The following ANKHD1 variants were observed in gnomAD, a reference collection of about 807,000 sequenced individuals.
ANKHD1 encodes the protein ankyrin repeat and KH domain containing 1.
Under a neutral mutation model 230.5 loss-of-function variants are expected in ANKHD1, and 31 were observed. The observed-to-expected ratio is 0.13, with a 90% CI of 0.10 to 0.18. ANKHD1 has a LOEUF of 0.18. ANKHD1 is among the 10% of genes least tolerant of loss of function. The probability of loss-of-function intolerance (pLI) is 1.00; values close to 1 mark genes in which losing one functional copy is unlikely to be tolerated. For synonymous variants in ANKHD1, 1,074 were observed against 1,117.6 expected (o/e 0.96, Z 0.78); for missense variants, 2,256 against 3,071.3 (o/e 0.73, Z 6.27).
chr5:140,433,262 C>T (rs370791816), intron 1 of ANKHD1, among the ~76,000 whole-genome samples: 1 of 152,136 alleles, frequency 6.6e-6, no homozygotes, highest in East Asian at 1.9e-4. Context: ...GACAGGGTTT[C>T]GCCATGTTGG....
intron 22 of ANKHD1, among the ~76,000 whole-genome samples, chr5:140,511,120 A>T (rs1175954286): frequency 2.0e-5 from 3 of 152,090 alleles, no homozygotes; most frequent in Non-Finnish European, 4.4e-5. Context: ...CATGCCTCTC[A>T]TATATATTAA....
At chr5:140,433,083 C>T (rs1413926084) in intron 1 of ANKHD1, among the ~76,000 whole-genome samples, 1 of 142,478 alleles carries the variant, frequency 7.0e-6, no homozygotes, top group Admixed American at 7.0e-5. Flanking sequence ...ACGGGGGTTT[C>T]TTTTGGAGAT....
intron 1 of ANKHD1, among the ~76,000 whole-genome samples, chr5:140,404,000 A>C (rs1046076175): frequency 7.4e-4 from 113 of 152,160 alleles, no homozygotes; most frequent in Non-Finnish European, 1.5e-3. Context: ...TTGCTTTGGA[A>C]AAAAAAGTGT....
chr5:140,485,188 C>T lies in ANKHD1; in HGVS notation c.1938C>T (p.Gly646=). 6.2e-7 allele frequency: 1 copy of T among 1,613,818 alleles called. No individual in the cohort carries two copies. Among genetic ancestry groups the T allele is most frequent in the Non-Finnish European group, 8.5e-7 (1 of 1,179,862 alleles). Residue 646 remains glycine (G), a synonymous_variant, in exon 12 of 34, where the codon GGC becomes GGT. Transcript: ENST00000360839. The surrounding 1 kb of genome is among the most constrained non-coding windows in gnomAD (Gnocchi z 4.8). ...HTVVSLACAG[G]HLAVVELLLA... is the part of the protein sequence containing the mutation. ...TAGTGTCGCTGGCATGTGCAGGAGG[C>T]CACCTGGCAGTTGTTGAGCTTCTCT...
chr5:140,431,464 C>T (rs1773040680), intron 1 of ANKHD1, among the ~76,000 whole-genome samples: 2 of 152,182 alleles, frequency 1.3e-5, no homozygotes, highest in Admixed American at 6.5e-5. Flanking sequence ...ATTGTAATTA[C>T]ACAGAATCAT....
intron 1 of ANKHD1, among the ~76,000 whole-genome samples, chr5:140,427,071 C>T (rs1772491528): frequency 1.3e-5 from 2 of 151,378 alleles, no homozygotes; most frequent in African/African-American, 2.4e-5. Flanking sequence ...CGGAGGGGCT[C>T]CTCACTTCCC....
intron 10 of ANKHD1, among the ~76,000 whole-genome samples, chr5:140,467,619 ATG>A (rs1776182835): frequency 6.6e-6 from 1 of 152,204 alleles, no homozygotes; most frequent in African/African-American, 2.4e-5. Flanking sequence ...GAAAAAGAAA[ATG>A]TGGAAAGTAT....
In ANKHD1 at chr5:140,463,533, G is replaced by T. The variant is rs1775867728; in HGVS notation, c.1673-1134G>T. 2.0e-5 allele frequency among the ~76,000 whole-genome samples: 3 copies of T among 152,274 alleles called. No individual in the cohort carries two copies. The South Asian group carries it at 6.2e-4, about 32-fold the overall frequency. On this transcript the variant is annotated intron_variant, in intron 9 of 33. Coordinates refer to ENST00000360839, the MANE Select transcript of ANKHD1 (RefSeq NM_017747.3). Reference sequence around the variant, plus strand: ...TACCATTGTCTCTAGGCTTTAGTTGGTCAGGGCTGGGGAATATATATTTTT... The same window carrying T: ...TACCATTGTCTCTAGGCTTTAGTTGTTCAGGGCTGGGGAATATATATTTTT...
chr5:140,443,348 T>G (rs1156841911), intron 5 of ANKHD1, among the ~76,000 whole-genome samples: 2 of 152,132 alleles, frequency 1.3e-5, no homozygotes, highest in African/African-American at 4.8e-5. Context: ...AATCAATTGC[T>G]TTGTTCTGGT....
intron 29 of ANKHD1, among the ~76,000 whole-genome samples, chr5:140,533,814 AGAAAT>A (rs1021575986): frequency 1.3e-5 from 2 of 151,324 alleles, no homozygotes; most frequent in Admixed American, 6.6e-5. Flanking sequence ...AAGTTATTAT[AGAAAT>A]GATTCATTTC....
In ANKHD1 at chr5:140,505,772, T is replaced by C; in HGVS notation, c.3311T>C (p.Val1104Ala). Residue 1104 changes from valine to alanine, a missense_variant, in exon 18 of 34, where the codon GTT becomes GCT. Val to Ala is a moderately conservative substitution (Grantham distance 64). Transcript: ENST00000360839. ...GCAACAGCAGGGCATGTTGGAGTTGTTGAAATCCTTTTGGATAAAGGTGGA... is the reference window on the plus strand; with the variant it reads ...GCAACAGCAGGGCATGTTGGAGTTGCTGAAATCCTTTTGGATAAAGGTGGA... ...LAATAGHVGV[V>A]EILLDKGGDI... The C allele has an allele frequency of 6.2e-7, 1 of 1,613,218 alleles. No homozygotes were observed. Among genetic ancestry groups the C allele is most frequent in the Non-Finnish European group, 8.5e-7 (1 of 1,179,658 alleles).
chr5:140,406,250 A>T (rs932084681), intron 1 of ANKHD1, among the ~76,000 whole-genome samples: 18 of 151,744 alleles, frequency 1.2e-4, no homozygotes, highest in South Asian at 4.1e-4. Context: ...AAAAAAAAAA[A>T]AATAAATTAT....
intron 15 of ANKHD1, among the ~76,000 whole-genome samples, chr5:140,500,665 A>AAAAAAAAAAAAG (rs748025095): frequency 8.2e-4 from 95 of 115,478 alleles, no homozygotes; most frequent in East Asian, 1.1e-3. Flanking sequence ...AAAAAAAAAA[A>AAAAAAAAAAAAG]AAAAGAAAAG....
intron 7 of ANKHD1, among the ~76,000 whole-genome samples, chr5:140,458,098 A>G (rs1775353837): frequency 6.6e-6 from 1 of 152,222 alleles, no homozygotes; most frequent in Non-Finnish European, 1.5e-5. Flanking sequence ...GTGTCAATCC[A>G]GAGACATTTA....
intron 1 of ANKHD1, among the ~76,000 whole-genome samples, chr5:140,433,065 A>ACCC (rs1773178344): frequency 3.5e-4 from 48 of 137,320 alleles, no homozygotes; most frequent in Middle Eastern, 4.1e-3. Context: ...CCCCCCCCCA[A>ACCC]AAAAAAAACG....
intron 10 of ANKHD1, among the ~76,000 whole-genome samples, chr5:140,477,379 A>G (rs1393858652): frequency 2.0e-5 from 3 of 152,198 alleles, no homozygotes; most frequent in Non-Finnish European, 4.4e-5. Flanking sequence ...AAAATCAAAC[A>G]ATTTTTTATC....
At chr5:140,509,922 A>G in intron 21 of ANKHD1, 97 bp from the exon 22 acceptor site, 1 of 1,544,064 alleles carries the variant, frequency 6.5e-7, no homozygotes, top group Non-Finnish European at 8.7e-7. Flanking sequence ...AGAAAAGATT[A>G]TTTGCAAGTT....
rs553539132 is a variant in ANKHD1, at chr5:140,436,675, G to C, written c.460+418G>C. ...GCAGGAGAATTGCTTGAACCCTAGAGGGGGAGGTTTCAGTGAGCCGAGATC... is the reference window on the plus strand; with the variant it reads ...GCAGGAGAATTGCTTGAACCCTAGACGGGGAGGTTTCAGTGAGCCGAGATC... On this transcript the variant is annotated intron_variant, in intron 2 of 33. Coordinates refer to ENST00000360839, the MANE Select transcript of ANKHD1 (RefSeq NM_017747.3). Among the ~76,000 whole-genome samples, 60 of 152,094 alleles carry C rather than the reference G, an allele frequency of 3.9e-4. 1 individual carries two copies. The highest frequency in any genetic ancestry group is 3.3e-3 in the Admixed American group (51 of 15,278).
At position 140,528,743 on chromosome 5, in the gene ANKHD1, T is replaced by G; in HGVS notation, c.5797T>G (p.Cys1933Gly). 1 of 1,614,218 alleles carries G rather than the reference T, an allele frequency of 6.2e-7. No individual in the cohort carries two copies. ...GTCTGCTGGACTAGCTACTGCCAGT[T>G]GTCCTATCACTGTCTCTTCTGTAGT... ...SESAGLATAS[C>G]PITVSSVVAA... The change falls in exon 29 of 34, where the codon TGT becomes GGT. Residue 1933 changes from cysteine to glycine, a missense_variant. By Grantham distance (159) the Cys-to-Gly change is radical. Around this residue, in one of 13 missense-constraint regions of ANKHD1, gnomAD observed 778 missense variants for 966.5 expected, o/e 0.80. Coordinates refer to ENST00000360839, the MANE Select transcript of ANKHD1 (RefSeq NM_017747.3).
Sources: allele counts gnomAD v4.1 joint callset (sites outside exome capture counted in the v4.1 genomes callset), GRCh38; gene constraint gnomAD v4.1.1; regional missense constraint gnomAD v4.1.1; non-coding constraint Gnocchi (gnomAD v3.1); transcripts MANE v1.5; gene names NCBI Gene and HGNC (gene_info 2026-07-23, HGNC 2026-07-21).